Variants in ROCK1 observed in about 807,000 individuals in gnomAD.
The protein encoded by ROCK1 is rho-associated protein kinase 1.
A neutral mutation model predicts 196.8 loss-of-function variants in ROCK1; 36 were observed. The observed-to-expected ratio is 0.18, with a 90% CI of 0.14 to 0.24. The LOEUF (loss-of-function observed/expected upper bound fraction) is 0.24. ROCK1 is among the 10% of genes least tolerant of loss of function. The pLI, the probability that ROCK1 is intolerant of heterozygous loss-of-function variation, is 1.00. For missense variants in ROCK1, 920 were observed against 1,562.0 expected, an observed-to-expected ratio of 0.59 and a Z score of 6.93; for synonymous variants, 443 against 515.9, an observed-to-expected ratio of 0.86 and a Z score of 1.91.
chr18:20,989,366 A>G (rs1282734646), intron 18 of ROCK1, among the ~76,000 whole-genome samples: 1 of 152,220 alleles, frequency 6.6e-6, no homozygotes, highest in African/African-American at 2.4e-5. Flanking sequence ...GAGAATAAAG[A>G]ATAAGAGCAG....
At chr18:21,036,439 A>C (rs1224302278) in intron 9 of ROCK1, among the ~76,000 whole-genome samples, 1 of 152,142 alleles carries the variant, frequency 6.6e-6, no homozygotes, top group Admixed American at 6.6e-5. Flanking sequence ...CACATATTTA[A>C]TGTAGTATTA....
intron 1 of ROCK1, among the ~76,000 whole-genome samples, chr18:21,080,723 C>T (rs1344921778): frequency 6.6e-6 from 1 of 151,754 alleles, no homozygotes; most frequent in African/African-American, 2.4e-5. Context: ...CAAAACAGAC[C>T]TTAAGTTAAA....
At chr18:20,964,807 T>C (rs2035357719) in intron 27 of ROCK1, among the ~76,000 whole-genome samples, 1 of 152,208 alleles carries the variant, frequency 6.6e-6, no homozygotes, top group Non-Finnish European at 1.5e-5. Context: ...GAAACCTAAA[T>C]GGATTCCCAG....
At chr18:21,067,038 C>T (rs912060585) in intron 2 of ROCK1, among the ~76,000 whole-genome samples, 3 of 152,170 alleles carry the variant, frequency 2.0e-5, no homozygotes, top group African/African-American at 4.8e-5. Context: ...ATTTACCAGT[C>T]AGCAATGTAC....
In ROCK1 at chr18:20,952,697, C is replaced by T. The variant is rs150035098; in HGVS notation, c.4061+881G>A. ...GGCTGAGGCTGGAGAATTGCTTGAA[C>T]TTGGGAGGTGGAGGTTGCAGTGAGC... On this transcript the variant is annotated intron_variant, in intron 32 of 32. Transcript: ENST00000399799. Among the ~76,000 whole-genome samples, 2,161 of 151,590 alleles carry T rather than the reference C, an allele frequency of 0.014. 169 individuals carry two copies. The East Asian group carries it at 0.21, about 15-fold the overall frequency.
chr18:21,020,709 C>T (rs1348421318), intron 11 of ROCK1, among the ~76,000 whole-genome samples: 3 of 152,108 alleles, frequency 2.0e-5, no homozygotes, highest in South Asian at 4.2e-4. Context: ...AAGAAGGTGG[C>T]ACAAGAAAGG....
intron 1 of ROCK1, among the ~76,000 whole-genome samples, chr18:21,108,182 A>G (rs2036719868): frequency 6.6e-6 from 1 of 152,190 alleles, no homozygotes; most frequent in Admixed American, 6.5e-5. Context: ...ATAAGATTTG[A>G]AGGGGAAAAA....
intron 13 of ROCK1, among the ~76,000 whole-genome samples, chr18:21,011,060 T>C (rs1388736302): frequency 2.0e-5 from 3 of 152,198 alleles, no homozygotes; most frequent in Non-Finnish European, 2.9e-5. Flanking sequence ...CTTGCCTATA[T>C]TGTTATATTT....
In ROCK1 at chr18:21,015,476, G is replaced by A. The variant is rs150844243; in HGVS notation, c.1365C>T (p.Thr455=). 5.7e-5 allele frequency: 89 copies of A among 1,553,650 alleles called. No homozygotes were observed. In the African/African-American group the frequency reaches 1.2e-3, roughly 20 times the overall value. The change falls in exon 13 of 33, where the codon ACC becomes ACT. Residue 455 remains threonine (T), a synonymous_variant. Transcript: ENST00000399799. The part of the protein sequence containing the change: ...LKDEMEQKCR[T]SNIKLDKIMK... Reference sequence around the variant, plus strand: ...TTATCTTGTCTAGTTTTATGTTTGAGGTTCTGTAAAAACAAAAGCAATACA... The same window carrying A: ...TTATCTTGTCTAGTTTTATGTTTGAAGTTCTGTAAAAACAAAAGCAATACA...
chr18:21,098,173 A>G (rs186560688), intron 1 of ROCK1, among the ~76,000 whole-genome samples: 1 of 152,338 alleles, frequency 6.6e-6, no homozygotes, highest in East Asian at 1.9e-4. Flanking sequence ...ACATTTTAAA[A>G]GCTGAAGAGA....
intron 2 of ROCK1, among the ~76,000 whole-genome samples, chr18:21,062,286 A>T (rs1391179723): frequency 3.9e-5 from 6 of 152,030 alleles, no homozygotes; most frequent in African/African-American, 1.2e-4. Flanking sequence ...TCCTTTTTTT[A>T]AAAAAAGTAA....
At chr18:21,050,659 C>G (rs1438573257) in intron 2 of ROCK1, among the ~76,000 whole-genome samples, 1 of 152,164 alleles carries the variant, frequency 6.6e-6, no homozygotes, top group Non-Finnish European at 1.5e-5. Context: ...ACTTCAGTTC[C>G]AGTTCCTAAT....
At chr18:20,991,471 C>G (rs1239107751) in intron 17 of ROCK1, 145 bp from the exon 18 acceptor site, 1 of 596,770 alleles carries the variant, frequency 1.7e-6, no homozygotes, top group African/African-American at 1.9e-5. Context: ...AAAAGATAAT[C>G]TTTTCTTTAC....
At chr18:21,024,633 C>A (rs2035941498) in intron 10 of ROCK1, among the ~76,000 whole-genome samples, 1 of 152,112 alleles carries the variant, frequency 6.6e-6, no homozygotes, top group African/African-American at 2.4e-5. Context: ...TCCAAAAGAA[C>A]AGTTTAAGTA....
At chr18:21,100,548 A>G (rs566767242) in intron 1 of ROCK1, among the ~76,000 whole-genome samples, 4 of 152,252 alleles carry the variant, frequency 2.6e-5, no homozygotes, top group African/African-American at 9.6e-5. Context: ...AACACACCAA[A>G]AATATTTTTA....
chr18:21,071,876 G>A (rs10775457), intron 1 of ROCK1, among the ~76,000 whole-genome samples: 120,870 of 152,182 alleles, frequency 0.79, 52,008 homozygotes, highest in Non-Finnish European at 0.96. Flanking sequence ...TAAAATGAGG[G>A]ATAATGATTA....
At chr18:20,981,605 T>G (rs114543218) in intron 21 of ROCK1, among the ~76,000 whole-genome samples, 2,713 of 152,250 alleles carry the variant, frequency 0.018, 77 homozygotes, top group African/African-American at 0.059. Context: ...TCTTTTTAAC[T>G]ACCCTCTTCA....
At chr18:21,045,502 A>G (rs779726528) in intron 4 of ROCK1, 35 bp from the exon 5 acceptor site, 2 of 1,465,840 alleles carry the variant, frequency 1.4e-6, no homozygotes, top group Admixed American at 4.7e-5. Flanking sequence ...AAACACATTC[A>G]TTAATGTTAA....
chr18:20,993,623 A>G (rs1306669794), intron 16 of ROCK1, among the ~76,000 whole-genome samples: 1 of 152,198 alleles, frequency 6.6e-6, no homozygotes, highest in Non-Finnish European at 1.5e-5. Flanking sequence ...AACTTAATGG[A>G]GCCAAACTCT....
Sources: allele counts gnomAD v4.1 joint callset (sites outside exome capture counted in the v4.1 genomes callset), GRCh38; gene constraint gnomAD v4.1.1; transcripts MANE v1.5; gene names NCBI Gene and HGNC (gene_info 2026-07-23, HGNC 2026-07-21).